Variants in AUTS2 observed in about 807,000 individuals in gnomAD.
AUTS2 encodes the protein autism susceptibility gene 2 protein.
Under a neutral mutation model 112.4 loss-of-function variants are expected in AUTS2, and 17 were observed. The observed-to-expected ratio is 0.15, with a 90% CI of 0.10 to 0.23. AUTS2 has a LOEUF of 0.23. Among genes scored for constraint, AUTS2 ranks in the 10% least tolerant of loss-of-function variants. AUTS2 has a pLI of 1.00. For missense variants in AUTS2, 1,510 were observed against 1,701.6 expected (o/e 0.89, Z 1.98); for synonymous variants, 751 against 702.7 (o/e 1.07, Z -1.09).
rs1041812543 is a variant in AUTS2, at chr7:70,508,960, A to G, written c.690+73179A>G. Among the ~76,000 whole-genome samples, 4 of 152,290 alleles carry G rather than the reference A, an allele frequency of 2.6e-5. No individual in the cohort carries two copies. The South Asian group carries it at 8.3e-4, about 32-fold the overall frequency. ...TTTGTTCTCTCCAAATTCCATATCT[A>G]TGCTAAGCTGACTTGCCTTTTGCCT... On this transcript the variant is annotated intron_variant, in intron 5 of 18. Coordinates refer to ENST00000342771, the MANE Select transcript of AUTS2 (RefSeq NM_015570.4).
At chr7:69,927,235 G>T (rs1477815403) in intron 2 of AUTS2, among the ~76,000 whole-genome samples, 1 of 146,330 alleles carries the variant, frequency 6.8e-6, no homozygotes, top group Non-Finnish European at 1.5e-5. Flanking sequence ...AATTTACAGT[G>T]GTCTACCTTC....
At chr7:70,027,504 C>T (rs569493133) in intron 2 of AUTS2, among the ~76,000 whole-genome samples, 5 of 152,188 alleles carry the variant, frequency 3.3e-5, no homozygotes, top group Non-Finnish European at 7.4e-5. Context: ...AGACCAGCAG[C>T]AGCAGCATCA....
intron 5 of AUTS2, among the ~76,000 whole-genome samples, chr7:70,568,401 C>G (rs1028084492): frequency 3.9e-5 from 6 of 152,204 alleles, no homozygotes; most frequent in African/African-American, 1.4e-4. Flanking sequence ...GGGATATACA[C>G]ATAAAGCTCT....
chr7:69,946,121 A>G (rs1400907251), intron 2 of AUTS2, among the ~76,000 whole-genome samples: 1 of 152,202 alleles, frequency 6.6e-6, no homozygotes, highest in Non-Finnish European at 1.5e-5. Context: ...TGCTGGGATT[A>G]TAGGCGTGAG....
intron 5 of AUTS2, among the ~76,000 whole-genome samples, chr7:70,445,060 T>G (rs17141623): frequency 0.037 from 5,562 of 152,280 alleles, 179 homozygotes; most frequent in African/African-American, 0.079. Flanking sequence ...TTCAAAACAC[T>G]TTTAAAAACA....
intron 4 of AUTS2, among the ~76,000 whole-genome samples, chr7:70,394,070 T>A (rs910198438): frequency 6.6e-6 from 1 of 152,218 alleles, no homozygotes; most frequent in Non-Finnish European, 1.5e-5. Flanking sequence ...ACCAGTTGTT[T>A]TGGAAGGCTG....
Position 69,753,303 on chromosome 7 carries a change from G to C in AUTS2, c.310-145983G>C, listed in dbSNP as rs575463964. On this transcript the variant is annotated intron_variant, in intron 1 of 18. Coordinates refer to ENST00000342771, the MANE Select transcript of AUTS2 (RefSeq NM_015570.4). ...GTGTGCCTCTAGATACACGTAATGT[G>C]GAAATTTCCCTACCTTGTAACAGTG... Among the ~76,000 whole-genome samples the C allele has an allele frequency of 5.9e-5, 9 of 151,918 alleles. No individual in the cohort carries two copies. In the South Asian group the frequency reaches 1.9e-3, roughly 32 times the overall value.
rs1014785618 is a variant in AUTS2, at chr7:70,364,032, A to T, written c.661-71720A>T. Among the ~76,000 whole-genome samples, 7 of 152,172 alleles carry T rather than the reference A, an allele frequency of 4.6e-5. 1 individual carries two copies. On this transcript the variant is annotated intron_variant, in intron 4 of 18. Transcript: ENST00000342771. ...GCACCTTACACATCATAGGAATGGG[A>T]TCTATTTTAGTGATTAATCTGTTCT... is the stretch of plus-strand genomic sequence containing the variant.
At chr7:70,143,749 G>A (rs972764544) in intron 4 of AUTS2, among the ~76,000 whole-genome samples, 7 of 152,278 alleles carry the variant, frequency 4.6e-5, no homozygotes, top group African/African-American at 1.7e-4. Context: ...GGTGATGACT[G>A]TCTATTAGGG....
At chr7:70,171,587 C>T (rs1023137252) in intron 4 of AUTS2, among the ~76,000 whole-genome samples, 2 of 152,182 alleles carry the variant, frequency 1.3e-5, no homozygotes, top group Non-Finnish European at 2.9e-5. Flanking sequence ...ATTAGAGTTT[C>T]AGAAGATTAT....
intron 4 of AUTS2, among the ~76,000 whole-genome samples, chr7:70,191,925 G>A (rs1269318664): frequency 6.6e-6 from 1 of 151,936 alleles, no homozygotes; most frequent in Non-Finnish European, 1.5e-5. Context: ...AAATTAGCTA[G>A]GCGTGGTGGT....
At chr7:70,533,321 C>A (rs1311986775) in intron 5 of AUTS2, among the ~76,000 whole-genome samples, 1 of 152,044 alleles carries the variant, frequency 6.6e-6, no homozygotes, top group Non-Finnish European at 1.5e-5. Context: ...GCTTTGCTGC[C>A]CAGGCTGGTC....
At chr7:69,778,280 A>G (rs914396144) in intron 1 of AUTS2, among the ~76,000 whole-genome samples, 3 of 146,888 alleles carry the variant, frequency 2.0e-5, no homozygotes, top group African/African-American at 7.6e-5. Context: ...GGTCTGTGTC[A>G]TGAGAATTTG....
At chr7:70,632,836 G>T (rs12056093) in intron 5 of AUTS2, among the ~76,000 whole-genome samples, 11,384 of 152,104 alleles carry the variant, frequency 0.075, 565 homozygotes, top group East Asian at 0.19. Context: ...GGGCTGCAGA[G>T]GACACAGACC....
At chr7:70,117,160 A>G (rs916131219) in intron 2 of AUTS2, among the ~76,000 whole-genome samples, 4 of 127,706 alleles carry the variant, frequency 3.1e-5, no homozygotes, top group South Asian at 2.4e-4. Context: ...GTGTAGTACC[A>G]TATCTTCAGC....
chr7:70,382,737 C>T (rs938077840), intron 4 of AUTS2, among the ~76,000 whole-genome samples: 6 of 152,162 alleles, frequency 3.9e-5, no homozygotes, highest in African/African-American at 7.2e-5. Context: ...TTCTAAGACT[C>T]CTTTCTCATT....
At chr7:70,209,652 A>G (rs1810754825) in intron 4 of AUTS2, among the ~76,000 whole-genome samples, 1 of 152,216 alleles carries the variant, frequency 6.6e-6, no homozygotes, top group Non-Finnish European at 1.5e-5. Flanking sequence ...ATGGCAAAAG[A>G]GAAAAAGGTG....
intron 5 of AUTS2, among the ~76,000 whole-genome samples, chr7:70,523,469 A>G (rs1184586456): frequency 6.6e-6 from 1 of 152,216 alleles, no homozygotes; most frequent in Non-Finnish European, 1.5e-5. Flanking sequence ...TCAGAAGTGC[A>G]AGTGGTAAAG....
At chr7:69,903,688 A>T (rs555013833) in intron 2 of AUTS2, among the ~76,000 whole-genome samples, 1 of 152,320 alleles carries the variant, frequency 6.6e-6, no homozygotes, top group East Asian at 1.9e-4. Flanking sequence ...AAAGCCATTC[A>T]TCTTAGGGCA....
Sources: gnomAD v4.1 joint callset for allele counts (sites outside exome capture counted in the v4.1 genomes callset) on GRCh38, gnomAD v4.1.1 for gene constraint, MANE v1.5 for transcripts, NCBI Gene and HGNC (gene_info 2026-07-23, HGNC 2026-07-21) for gene names.